KAT2B: variants seen among roughly 807,000 people sequenced by gnomAD.
KAT2B encodes the protein lysine acetyltransferase 2B, also known as histone acetyltransferase KAT2B.
KAT2B carries 36 observed loss-of-function variants against 105.9 expected under a neutral mutation model. The ratio of observed to expected loss-of-function variants is 0.34; its 90% CI spans 0.26 to 0.45. The LOEUF (loss-of-function observed/expected upper bound fraction) is 0.45, where lower values mean the gene tolerates loss of function less well. Ranked by LOEUF, KAT2B falls within the 20% of genes least tolerant of loss-of-function variation. The pLI is 1.00. For missense variants in KAT2B, 820 were observed against 1,021.6 expected (o/e 0.80, Z 2.69); for synonymous variants, 397 against 377.9 (o/e 1.05, Z -0.59).
In KAT2B at chr3:20,111,863, A is replaced by G; in HGVS notation, c.1043+76A>G. 4 of 1,136,218 alleles carry G rather than the reference A, an allele frequency of 3.5e-6. No individual in the cohort carries two copies. The South Asian group carries it at 4.5e-5, about 13-fold the overall frequency. 70.4% of individuals were successfully genotyped at this position (1,136,218 alleles called of 1,614,324 possible). ...CTAAATACAATGCCAAAGCCTGCAT[A>G]AATAACAAGATCGGAAATGACAGAA... On this transcript the variant is annotated intron_variant, in intron 6 of 17. Transcript: ENST00000263754.
intron 2 of KAT2B, among the ~76,000 whole-genome samples, chr3:20,084,200 A>C (rs1195103519): frequency 6.6e-6 from 1 of 152,150 alleles, no homozygotes; most frequent in Non-Finnish European, 1.5e-5. Flanking sequence ...ATTACAGGGA[A>C]GCTTCTCTTT....
At chr3:20,060,333 G>T (rs1182741614) in intron 1 of KAT2B, among the ~76,000 whole-genome samples, 1 of 152,116 alleles carries the variant, frequency 6.6e-6, no homozygotes, top group Middle Eastern at 3.2e-3. Flanking sequence ...TGGGCATGGT[G>T]GCTCACGCCT....
intron 2 of KAT2B, among the ~76,000 whole-genome samples, chr3:20,094,661 C>T (rs929529002): frequency 6.6e-6 from 1 of 152,004 alleles, no homozygotes; most frequent in Non-Finnish European, 1.5e-5. Context: ...AGCTGGATCA[C>T]GGAGGATGTT....
chr3:20,060,997 G>C (rs1361641749), intron 1 of KAT2B, among the ~76,000 whole-genome samples: 2 of 152,108 alleles, frequency 1.3e-5, no homozygotes, highest in Non-Finnish European at 2.9e-5. Context: ...ATGATCTAAA[G>C]TTTACCATCT....
intron 5 of KAT2B, among the ~76,000 whole-genome samples, chr3:20,107,657 A>C (rs1699045855): frequency 1.4e-5 from 1 of 73,974 alleles, no homozygotes; most frequent in Admixed American, 1.3e-4. Context: ...ACTATGTCTC[A>C]AAAAAAAAAA....
Position 20,152,790 on chromosome 3 carries a change from T to G in KAT2B, c.*265T>G, listed in dbSNP as rs1471423221. On this transcript the variant is annotated 3_prime_UTR_variant, in exon 18 of 18. Coordinates refer to ENST00000263754, the MANE Select transcript of KAT2B (RefSeq NM_003884.5). ...TTTTCTATGGCATGTCCATTAGCTA[T>G]TTCATGATAGATGATTAGGGGTTTC... The G allele has an allele frequency of 8.7e-6, 2 of 230,534 alleles. No homozygotes were observed. The highest frequency in any genetic ancestry group is 8.6e-6 in the Non-Finnish European group (1 of 116,592). 14.3% of individuals were successfully genotyped at this position (230,534 alleles called of 1,614,324 possible).
chr3:20,084,445 C>T (rs1161969280), intron 2 of KAT2B, among the ~76,000 whole-genome samples: 3 of 152,126 alleles, frequency 2.0e-5, no homozygotes, highest in Non-Finnish European at 4.4e-5. Context: ...TACAGGGGAG[C>T]CTCTTTCTTC....
At chr3:20,094,779 A>T (rs1199035347) in intron 2 of KAT2B, among the ~76,000 whole-genome samples, 1 of 152,180 alleles carries the variant, frequency 6.6e-6, no homozygotes, top group Non-Finnish European at 1.5e-5. Flanking sequence ...TTACACTGTC[A>T]TGATATTCTT....
chr3:20,057,615 G>C (rs564106599), intron 1 of KAT2B, among the ~76,000 whole-genome samples: 8 of 152,260 alleles, frequency 5.3e-5, no homozygotes, highest in Admixed American at 5.2e-4. Flanking sequence ...GATAAATTCT[G>C]TGTGTGTGTA....
rs1250461204 is a variant in KAT2B at position 20,152,632 on chromosome 3, A to G, written c.*107A>G. The G allele has an allele frequency of 7.4e-6, 6 of 809,600 alleles. No individual in the cohort carries two copies. The Admixed American group carries it at 1.6e-4, about 21-fold the overall frequency. 50.2% of individuals were successfully genotyped at this position (809,600 alleles called of 1,614,324 possible). On this transcript the variant is annotated 3_prime_UTR_variant, in exon 18 of 18. Transcript: ENST00000263754. The stretch of plus-strand genomic sequence containing the variant: ...ACATGATGTATTGAAGAGACTTGTA[A>G]ATGTAATAATTAGCACTTTTGAAAA...
At chr3:20,093,473 G>C (rs959625680) in intron 2 of KAT2B, among the ~76,000 whole-genome samples, 1 of 152,144 alleles carries the variant, frequency 6.6e-6, no homozygotes, top group African/African-American at 2.4e-5. Context: ...GGAGCTGCTG[G>C]TAGTTGGAAA....
intron 1 of KAT2B, among the ~76,000 whole-genome samples, chr3:20,066,929 A>G (rs1268130064): frequency 6.6e-6 from 1 of 152,180 alleles, no homozygotes; most frequent in African/African-American, 2.4e-5. Context: ...AACACTCATA[A>G]CACATCTCAA....
At chr3:20,041,960 C>T (rs1346408860) in intron 1 of KAT2B, among the ~76,000 whole-genome samples, 1 of 152,196 alleles carries the variant, frequency 6.6e-6, no homozygotes, top group Non-Finnish European at 1.5e-5. Flanking sequence ...GCTCTTTTTC[C>T]ACACCATATG....
Position 20,101,403 on chromosome 3 carries a change from A to G in KAT2B, c.786A>G (p.Ala262=). The part of the protein sequence containing the change: ...LNRINYWHLE[A]PSQRRLRSPN... ...GCATCAACTATTGGCATCTGGAGGC[A>G]CCATCTCAACGAAGACTGCGATCTC... is the stretch of plus-strand genomic sequence containing the variant. Residue 262 remains alanine (A), a synonymous_variant, in exon 5 of 18, where the codon GCA becomes GCG. Transcript: ENST00000263754. 3.7e-6 allele frequency: 6 copies of G among 1,614,140 alleles called. 1 individual carries two copies. The South Asian group carries it at 4.4e-5, about 12-fold the overall frequency.
chr3:20,116,655 G>A (rs1313193320), intron 7 of KAT2B, among the ~76,000 whole-genome samples: 1 of 152,012 alleles, frequency 6.6e-6, no homozygotes, highest in African/African-American at 2.4e-5. Context: ...TTCATCTCCT[G>A]TGAATGCAGC....
intron 2 of KAT2B, among the ~76,000 whole-genome samples, chr3:20,085,355 T>G (rs1420689585): frequency 6.6e-6 from 1 of 152,218 alleles, no homozygotes; most frequent in Non-Finnish European, 1.5e-5. Context: ...AAGAAAAAGA[T>G]GACCCAGCAA....
intron 8 of KAT2B, among the ~76,000 whole-genome samples, chr3:20,121,748 G>A (rs1050926928): frequency 8.7e-6 from 1 of 115,430 alleles, no homozygotes; most frequent in Non-Finnish European, 2.0e-5. Flanking sequence ...GTGTGTGTGT[G>A]TGTGTGTGTG....
At chr3:20,111,322 G>C (rs974512893) in intron 5 of KAT2B, among the ~76,000 whole-genome samples, 3 of 152,196 alleles carry the variant, frequency 2.0e-5, no homozygotes, top group Non-Finnish European at 4.4e-5. Context: ...AAGTGACACA[G>C]CTGGAATTTG....
Position 20,114,940 on chromosome 3 carries a change from G to C in KAT2B, c.1102G>C (p.Asp368His). The change falls in exon 7 of 18, where the codon GAT becomes CAT. Residue 368 changes from aspartate to histidine, a missense_variant. By Grantham distance (81) the Asp-to-His change is moderately conservative. This residue lies in a region of KAT2B where 225 missense variants were observed against 268.1 expected (regional missense o/e 0.84). Transcript: ENST00000263754. The part of the protein sequence containing the change: ...YSQNSPIWDQ[D>H]FLSASSRTSQ... ...TCAAAACTCTCCCATCTGGGATCAGGATTTTCTCTCAGCCTCTTCCAGAAC... is the reference window on the plus strand; with the variant it reads ...TCAAAACTCTCCCATCTGGGATCAGCATTTTCTCTCAGCCTCTTCCAGAAC... The C allele has an allele frequency of 3.1e-6, 5 of 1,613,186 alleles. No individual in the cohort carries two copies. Among genetic ancestry groups the C allele is most frequent in the Non-Finnish European group, 4.2e-6 (5 of 1,179,308 alleles).
Sources: allele counts gnomAD v4.1 joint callset (sites outside exome capture counted in the v4.1 genomes callset), GRCh38; gene constraint gnomAD v4.1.1; regional missense constraint gnomAD v4.1.1; transcripts MANE v1.5; gene names NCBI Gene and HGNC (gene_info 2026-07-23, HGNC 2026-07-21).